The following HOXB3 variants were observed in gnomAD, a reference collection of about 807,000 sequenced individuals.
HOXB3 encodes the protein homeobox B3.
HOXB3 carries 17 observed loss-of-function variants against 29.2 expected under a neutral mutation model. That is an observed-to-expected ratio of 0.58 (90% CI 0.40 to 0.87). HOXB3 has a LOEUF of 0.87. HOXB3 is among the 40% of genes least tolerant of loss of function. The pLI is 0.00. For synonymous variants in HOXB3, 317 were observed against 285.9 expected, an observed-to-expected ratio of 1.11 and a Z score of -1.10; for missense variants, 637 against 616.3, an observed-to-expected ratio of 1.03 and a Z score of -0.35.
Position 48,548,893 on chromosome 17 carries a change from T to C in HOXB3, c.*1441A>G. The C allele has an allele frequency of 6.6e-6, 1 of 152,404 alleles. No individual in the cohort carries two copies. The highest frequency in any genetic ancestry group is 3.2e-3 in the Middle Eastern group (1 of 316). 9.4% of individuals were successfully genotyped at this position (152,404 alleles called of 1,614,324 possible). A position where few individuals can be genotyped will look rare whatever the true frequency, so the allele number is the denominator to read the frequency against. The stretch of plus-strand genomic sequence containing the variant: ...GATAAAATTGATAACAGAAAGTTTA[T>C]TCAAGAATTGTTTGACAGACAACCC... On this transcript the variant is annotated 3_prime_UTR_variant, in exon 5 of 5. Transcript: ENST00000498678.
In HOXB3 at chr17:48,576,676, C is replaced by T; in HGVS notation, c.-424-2662G>A. 4 of 1,313,526 alleles carry T rather than the reference C, an allele frequency of 3.0e-6. No homozygotes were observed. The South Asian group carries it at 4.1e-5, about 14-fold the overall frequency. The allele number at this position is 1,313,526 out of a possible 1,614,324, so 81.4% of individuals were successfully genotyped here. On this transcript the variant is annotated intron_variant, in intron 1 of 4. Coordinates refer to ENST00000498678, the MANE Select transcript of HOXB3 (RefSeq NM_001384749.1). ...CCCCCCACCCCATCCCCTGCACTCA[C>T]TGCCCACCCCCACCCCGAGGTTCGT... is the stretch of plus-strand genomic sequence containing the variant.
intron 2 of HOXB3, among the ~76,000 whole-genome samples, chr17:48,571,970 T>A (rs1336235972): frequency 6.6e-6 from 1 of 152,262 alleles, no homozygotes; most frequent in African/African-American, 2.4e-5. Flanking sequence ...TAACATTTCA[T>A]CTTCCCAGCC....
chr17:48,588,556 C>T (rs1398352588), intron 1 of HOXB3, among the ~76,000 whole-genome samples: 2 of 152,234 alleles, frequency 1.3e-5, no homozygotes, highest in South Asian at 2.1e-4. Flanking sequence ...CCTTGCAGAG[C>T]TCTTTGTCTG....
At chr17:48,560,446 A>G (rs2069153686) in intron 2 of HOXB3, 1 of 152,026 alleles carries the variant, frequency 6.6e-6, no homozygotes, top group Non-Finnish European at 1.5e-5. Context: ...GGCTTTAGGA[A>G]GTGGATTATC....
At chr17:48,565,953 C>G (rs949368143) in intron 2 of HOXB3, among the ~76,000 whole-genome samples, 34 of 152,212 alleles carry the variant, frequency 2.2e-4, no homozygotes, top group Admixed American at 2.2e-3. Context: ...TCATCTCACT[C>G]TTCATCTTTC....
chr17:48,550,835 G>T lies in HOXB3; in HGVS notation c.795C>A (p.Pro265=). 6.2e-7 allele frequency: 1 copy of T among 1,613,814 alleles called. No individual in the cohort carries two copies. The highest frequency in any genetic ancestry group is 8.5e-7 in the Non-Finnish European group (1 of 1,179,870). Residue 265 remains proline (P), a synonymous_variant, in exon 5 of 5, where the codon CCC becomes CCA. Transcript: ENST00000498678. ...SSGGPSPAGS[P]PQPMQSTAGF... ...CGGCCGTGGACTGCATGGGCTGCGGGGGGCTGCCGGCTGGAGATGGGCCCC... is the reference window on the plus strand; with the variant it reads ...CGGCCGTGGACTGCATGGGCTGCGGTGGGCTGCCGGCTGGAGATGGGCCCC...
intron 2 of HOXB3, among the ~76,000 whole-genome samples, chr17:48,563,840 G>T (rs886621824): frequency 6.6e-6 from 1 of 152,084 alleles, no homozygotes; most frequent in Admixed American, 6.5e-5. Context: ...CTGACCCAGC[G>T]GTCGCCCCCC....
chr17:48,577,004 G>A (rs758124264), intron 1 of HOXB3: 4 of 1,604,148 alleles, frequency 2.5e-6, no homozygotes, highest in Admixed American at 3.4e-5. Context: ...GCTCCCCGCC[G>A]GCGTAATTGG....
Position 48,567,953 on chromosome 17 carries a change from CA to C in HOXB3, c.-247+5883del, listed in dbSNP as rs969525019. ...CTCTGCTTGCCTCCATTGTCTCCCC[CA>C]ATTTGGGTGATTCCTTTTCCACCTT... On this transcript the variant is annotated intron_variant, in intron 2 of 4. Transcript: ENST00000498678. Among the ~76,000 whole-genome samples the C allele has an allele frequency of 5.9e-5, 9 of 152,284 alleles. No individual in the cohort carries two copies. In the East Asian group the frequency reaches 1.7e-3, roughly 29 times the overall value.
intron 2 of HOXB3, among the ~76,000 whole-genome samples, chr17:48,568,297 T>G (rs887466239): frequency 1.3e-5 from 2 of 152,206 alleles, no homozygotes; most frequent in Non-Finnish European, 2.9e-5. Context: ...ATAATTTTTA[T>G]ATTAGACCAT....
intron 1 of HOXB3, chr17:48,576,567 C>T (rs375711835): frequency 3.5e-6 from 2 of 571,948 alleles, no homozygotes; most frequent in Non-Finnish European, 2.8e-6. Context: ...TTCCCCTCCC[C>T]CTCTTCTGCG....
chr17:48,585,657 A>G (rs1023594541), intron 1 of HOXB3, among the ~76,000 whole-genome samples: 2 of 151,694 alleles, frequency 1.3e-5, no homozygotes, highest in East Asian at 3.9e-4. Context: ...CCAGACCCCC[A>G]CCTCTCCCTG....
Position 48,551,126 on chromosome 17 carries a change from GCTGCCACCA to G in HOXB3, c.495_503del (p.Ser168_Gly170del). On this transcript the variant is annotated inframe_deletion, in exon 5 of 5. Coordinates refer to ENST00000498678, the MANE Select transcript of HOXB3 (RefSeq NM_001384749.1). ...CCCCGCCGCCGCCGCCACCGCCCCCGCTGCCACCACTGCCTCCGCCGCCGCCGCCACCGC... is the reference window on the plus strand; with the variant it reads ...CCCCGCCGCCGCCGCCACCGCCCCCGCTGCCTCCGCCGCCGCCGCCACCGC... The G allele has an allele frequency of 4.5e-6, 6 of 1,332,110 alleles. No homozygotes were observed. The highest frequency in any genetic ancestry group is 5.8e-6 in the Non-Finnish European group (6 of 1,041,226). 82.5% of individuals were successfully genotyped at this position (1,332,110 alleles called of 1,614,324 possible). A position where few individuals can be genotyped will look rare whatever the true frequency, so the allele number is the denominator to read the frequency against.
At chr17:48,569,119 G>A (rs2069495465) in intron 2 of HOXB3, among the ~76,000 whole-genome samples, 1 of 150,816 alleles carries the variant, frequency 6.6e-6, no homozygotes, top group Non-Finnish European at 1.5e-5. Flanking sequence ...CAGTTGAATT[G>A]CACGTCAGAA....
chr17:48,579,278 C>A (rs1052133353), intron 1 of HOXB3: 1 of 152,276 alleles, frequency 6.6e-6, no homozygotes, highest in African/African-American at 2.4e-5. Flanking sequence ...TCCATAACCA[C>A]CCGAGCAATA....
chr17:48,568,201 A>C (rs910338232), intron 2 of HOXB3, among the ~76,000 whole-genome samples: 6 of 152,162 alleles, frequency 3.9e-5, no homozygotes, highest in Non-Finnish European at 4.4e-5. Flanking sequence ...CTGGAGTTGG[A>C]GAAGCCAAAC....
At chr17:48,587,020 C>G (rs2070060406) in intron 1 of HOXB3, among the ~76,000 whole-genome samples, 1 of 152,118 alleles carries the variant, frequency 6.6e-6, no homozygotes, top group South Asian at 2.1e-4. Flanking sequence ...GGTATTTAAT[C>G]CCCCACCCCG....
At chr17:48,569,116 A>C (rs1228514453) in intron 2 of HOXB3, among the ~76,000 whole-genome samples, 3 of 150,868 alleles carry the variant, frequency 2.0e-5, no homozygotes, top group Non-Finnish European at 4.4e-5. Context: ...GGACAGTTGA[A>C]TTGCACGTCA....
chr17:48,577,808 C>T lies in HOXB3; in HGVS notation c.-424-3794G>A, dbSNP rs1164292546. 5.9e-6 allele frequency: 8 copies of T among 1,352,042 alleles called. No individual in the cohort carries two copies. The South Asian group carries it at 8.6e-5, about 15-fold the overall frequency. 83.8% of individuals were successfully genotyped at this position (1,352,042 alleles called of 1,614,324 possible). On this transcript the variant is annotated intron_variant, in intron 1 of 4. Transcript: ENST00000498678. ...CCCCCCCAACCCATGCCTCCGAAGT[C>T]CCTTTGGTGTAAAGCTCCAGGGGTG...
Sources: gnomAD v4.1 joint callset for allele counts (sites outside exome capture counted in the v4.1 genomes callset) on GRCh38, gnomAD v4.1.1 for gene constraint, MANE v1.5 for transcripts, NCBI Gene and HGNC (gene_info 2026-07-23, HGNC 2026-07-21) for gene names.